Variants in NID1 observed in about 807,000 individuals in gnomAD.
NID1 encodes the protein nidogen-1.
Under a neutral mutation model 130.6 loss-of-function variants are expected in NID1, and 76 were observed. The observed-to-expected ratio is 0.58, with a 90% CI of 0.48 to 0.70. The LOEUF (loss-of-function observed/expected upper bound fraction) is 0.70. Among genes scored for constraint, NID1 ranks in the 30% least tolerant of loss-of-function variants. NID1 has a pLI of 0.00. For synonymous variants in NID1, 665 were observed against 675.1 expected (o/e 0.98, Z 0.23); for missense variants, 1,517 against 1,664.8 (o/e 0.91, Z 1.54).
intron 10 of NID1, 36 bp from the exon 11 acceptor site, chr1:236,013,596 G>A (rs748816007): frequency 6.2e-7 from 1 of 1,613,706 alleles, no homozygotes; most frequent in Admixed American, 1.7e-5. Context: ...GTCTTAGGAA[G>A]AAAGTCCCCT....
chr1:236,059,660 G>A (rs544814880), intron 1 of NID1, among the ~76,000 whole-genome samples: 1 of 152,250 alleles, frequency 6.6e-6, no homozygotes, highest in East Asian at 1.9e-4. Context: ...GAAACAAAAG[G>A]ATTAGTAAAT....
At chr1:236,024,940 C>T (rs962630186) in intron 8 of NID1, among the ~76,000 whole-genome samples, 6 of 152,120 alleles carry the variant, frequency 3.9e-5, no homozygotes, top group Middle Eastern at 3.4e-3. Flanking sequence ...CAGGCACTAA[C>T]CACACAATTT....
rs756367830 is a variant in NID1, at chr1:236,032,547, A to G, written c.1391T>C (p.Met464Thr). The change falls in exon 6 of 20, where the codon ATG (methionine) becomes ACG (threonine). Residue 464 changes from methionine to threonine, a missense_variant. By Grantham distance (81) the Met-to-Thr change is moderately conservative (BLOSUM62 -1). Transcript: ENST00000264187. ...GGCTGTGTAGGAGCGCCCGTGGTTCATTACTACGTAAGAGTGGAGGTCAGT... is the reference window on the plus strand; with the variant it reads ...GGCTGTGTAGGAGCGCCCGTGGTTCGTTACTACGTAAGAGTGGAGGTCAGT... ...ENTDLHSYVV[M>T]NHGRSYTAIS... 2 of 1,614,158 alleles carry G rather than the reference A, an allele frequency of 1.2e-6. No individual in the cohort carries two copies. The highest frequency in any genetic ancestry group is 2.2e-5 in the South Asian group (2 of 91,080).
chr1:236,024,612 CTTTCTGCTT>C (rs1658869111), intron 8 of NID1, among the ~76,000 whole-genome samples: 1 of 152,158 alleles, frequency 6.6e-6, no homozygotes, highest in Non-Finnish European at 1.5e-5. Context: ...TGCCTGCCTT[CTTTCTGCTT>C]CATAAAGTTA....
At chr1:236,014,563 C>G (rs1658529595) in intron 10 of NID1, among the ~76,000 whole-genome samples, 1 of 152,200 alleles carries the variant, frequency 6.6e-6, no homozygotes. Flanking sequence ...CTGTGACACT[C>G]ACCTCCTCCT....
In NID1 at chr1:235,979,962, CAATT is replaced by C. The variant is rs758306083; in HGVS notation, c.3386-21_3386-18del. ...GATTGGTGCCTGTGTGGAGTGGAAA[CAATT>C]CATTCATTGTTCACACAAGAAATGG... On this transcript the variant is annotated intron_variant, in intron 17 of 19. Transcript: ENST00000264187. This position sits in a 1 kb window ranked among gnomAD's most constrained non-coding sequence, Gnocchi z 4.6. The C allele has an allele frequency of 6.8e-6, 11 of 1,612,928 alleles. No individual in the cohort carries two copies. Among genetic ancestry groups the C allele is most frequent in the Non-Finnish European group, 8.5e-6 (10 of 1,179,312 alleles).
intron 7 of NID1, among the ~76,000 whole-genome samples, chr1:236,027,672 T>C (rs553872116): frequency 7.2e-5 from 11 of 152,126 alleles, no homozygotes; most frequent in African/African-American, 2.7e-4. Flanking sequence ...CTACTAAAAA[T>C]ACAAAAGTTA....
In NID1 at chr1:236,048,929, G is replaced by C. The variant is rs1365220139; in HGVS notation, c.286C>G (p.Leu96Val). 1 of 1,614,072 alleles carries C rather than the reference G, an allele frequency of 6.2e-7. No homozygotes were observed. The highest frequency in any genetic ancestry group is 8.5e-7 in the Non-Finnish European group (1 of 1,180,018). Residue 96 changes from leucine to valine, a missense_variant, in exon 2 of 20, where the codon CTC (leucine) becomes GTC (valine). Leu to Val is a conservative substitution (Grantham distance 32). Transcript: ENST00000264187. ...ACTGCACCGAATGTTGGTGGGAAGAGCCCGGGATGGGATTCTTTGGCCGGG... is the reference window on the plus strand; with the variant it reads ...ACTGCACCGAATGTTGGTGGGAAGACCCCGGGATGGGATTCTTTGGCCGGG... ...EPPAKESHPG[L>V]FPPTFGAVAP...
chr1:235,999,966 C>G (rs906952136), intron 12 of NID1, among the ~76,000 whole-genome samples: 1 of 152,134 alleles, frequency 6.6e-6, no homozygotes, highest in Non-Finnish European at 1.5e-5. Flanking sequence ...GTAATCCCAG[C>G]GCTTTGGGAG....
intron 1 of NID1, among the ~76,000 whole-genome samples, chr1:236,056,611 A>G (rs763039720): frequency 1.7e-4 from 26 of 152,288 alleles, no homozygotes; most frequent in Non-Finnish European, 3.1e-4. Flanking sequence ...GTTTGTACCC[A>G]TTAACCAACC....
At chr1:236,034,071 GA>G (rs1352776640) in intron 5 of NID1, among the ~76,000 whole-genome samples, 2 of 152,106 alleles carry the variant, frequency 1.3e-5, no homozygotes, top group African/African-American at 4.8e-5. Flanking sequence ...TCCATTAACT[GA>G]TGAATGGATA....
intron 1 of NID1, among the ~76,000 whole-genome samples, chr1:236,054,554 T>C (rs1200172967): frequency 6.6e-6 from 1 of 152,182 alleles, no homozygotes; most frequent in Admixed American, 6.5e-5. Flanking sequence ...AAATAAAACA[T>C]TTCATGAAAC....
At chr1:236,008,649 C>T (rs1472242221) in intron 12 of NID1, among the ~76,000 whole-genome samples, 1 of 151,544 alleles carries the variant, frequency 6.6e-6, no homozygotes, top group East Asian at 1.9e-4. Flanking sequence ...TACAGGCATG[C>T]ACCACCACGC....
intron 14 of NID1, among the ~76,000 whole-genome samples, chr1:235,986,961 A>G (rs1265602624): frequency 6.6e-6 from 1 of 152,226 alleles, no homozygotes; most frequent in Admixed American, 6.5e-5. Context: ...AGGAAAGAAA[A>G]CATTTCCTTC....
chr1:236,011,869 C>T (rs532419678), intron 12 of NID1, 52 bp downstream of exon 12: 8 of 1,602,182 alleles, frequency 5.0e-6, no homozygotes, highest in South Asian at 2.2e-5. Flanking sequence ...ATGTGCTCTG[C>T]ATTCATGGAC....
chr1:236,037,983 C>T (rs1659310630), intron 5 of NID1, 121 bp downstream of exon 5: 2 of 1,163,526 alleles, frequency 1.7e-6, no homozygotes, highest in Non-Finnish European at 2.3e-6. Flanking sequence ...TGTATGGCTG[C>T]CATAAGAAAA....
intron 7 of NID1, among the ~76,000 whole-genome samples, chr1:236,027,608 C>T (rs1658975671): frequency 2.6e-5 from 4 of 152,206 alleles, no homozygotes; most frequent in Admixed American, 2.0e-4. Flanking sequence ...GCGGGAGGAT[C>T]ACTGGAGGTC....
At chr1:236,032,841 C>T (rs116388055) in intron 5 of NID1, among the ~76,000 whole-genome samples, 189 bp from the exon 6 acceptor site, 6 of 152,282 alleles carry the variant, frequency 3.9e-5, no homozygotes, top group Non-Finnish European at 8.8e-5. Flanking sequence ...TGCTGCGGGC[C>T]TTCAAAATTC....
intron 9 of NID1, among the ~76,000 whole-genome samples, chr1:236,019,793 G>A (rs1236044506): frequency 6.6e-6 from 1 of 152,158 alleles, no homozygotes; most frequent in Non-Finnish European, 1.5e-5. Flanking sequence ...TGTAACCCCA[G>A]CACTCTGGGA....
Sources: allele counts gnomAD v4.1 joint callset (sites outside exome capture counted in the v4.1 genomes callset), GRCh38; gene constraint gnomAD v4.1.1; non-coding constraint Gnocchi (gnomAD v3.1); transcripts MANE v1.5; gene names NCBI Gene and HGNC (gene_info 2026-07-23, HGNC 2026-07-21).